The following ABCA13 variants were observed in gnomAD, a reference collection of about 807,000 sequenced individuals.
ABCA13 encodes ATP-binding cassette sub-family A member 13.
In ABCA13, 476 loss-of-function variants were observed where a neutral mutation model predicts 478.7. That is an observed-to-expected ratio of 0.99 (90% CI 0.92 to 1.07). The LOEUF (loss-of-function observed/expected upper bound fraction) is 1.07. Among genes scored for constraint, ABCA13 ranks in the 50% least tolerant of loss-of-function variants. ABCA13 has a pLI of 0.00. For synonymous variants in ABCA13, 2,252 were observed against 2,158.9 expected (o/e 1.04, Z -1.20); for missense variants, 6,060 against 5,910.6 (o/e 1.03, Z -0.83).
chr7:48,172,313 G>T (rs1053673278), intron 1 of ABCA13, among the ~76,000 whole-genome samples: 1 of 152,044 alleles, frequency 6.6e-6, no homozygotes, highest in Non-Finnish European at 1.5e-5. Context: ...TTAACCTATG[G>T]GAATTTTCTG....
chr7:48,563,168 T>C (rs1281461421), intron 55 of ABCA13, among the ~76,000 whole-genome samples: 4 of 152,174 alleles, frequency 2.6e-5, no homozygotes, highest in Admixed American at 6.5e-5. Context: ...GGTATAGTTT[T>C]CCCCAGTCAT....
intron 58 of ABCA13, among the ~76,000 whole-genome samples, chr7:48,598,236 C>G (rs1268603865): frequency 6.6e-6 from 1 of 152,106 alleles, no homozygotes; most frequent in Non-Finnish European, 1.5e-5. Flanking sequence ...TTTAGTTTCT[C>G]CCATGTCTTC....
intron 15 of ABCA13, among the ~76,000 whole-genome samples, chr7:48,249,816 A>G (rs1792263264): frequency 6.6e-6 from 1 of 152,218 alleles, no homozygotes; most frequent in African/African-American, 2.4e-5. Context: ...TGCTGTGACC[A>G]TATGTGTGGA....
chr7:48,300,526 G>A (rs892794191), intron 23 of ABCA13, among the ~76,000 whole-genome samples: 2 of 152,200 alleles, frequency 1.3e-5, no homozygotes, highest in East Asian at 3.9e-4. Context: ...TCCCTGAATC[G>A]GTGAAGATGG....
At chr7:48,403,657 A>G (rs1321228617) in intron 38 of ABCA13, 26 bp from the exon 39 acceptor site, 1 of 1,607,878 alleles carries the variant, frequency 6.2e-7, no homozygotes, top group South Asian at 1.1e-5. Flanking sequence ...TTCAGGGAGA[A>G]GAGTGATGTT....
At chr7:48,404,228 G>A (rs1585175522) in intron 39 of ABCA13, 1 of 313,694 alleles carries the variant, frequency 3.2e-6, no homozygotes, top group East Asian at 8.3e-5. Flanking sequence ...TGTCTCAGAT[G>A]AAGAAATGAA....
At chr7:48,193,594 A>T (rs1419505005) in intron 2 of ABCA13, among the ~76,000 whole-genome samples, 1 of 149,410 alleles carries the variant, frequency 6.7e-6, no homozygotes, top group African/African-American at 2.5e-5. Context: ...AATGAAGATG[A>T]TGATGATGAT....
chr7:48,314,394 A>G lies in ABCA13; in HGVS notation c.9844A>G (p.Ile3282Val), dbSNP rs188058983. ...GGAAGATGACAAAGAAAAATTCAACATTCCTGAAGATTCAAGTAAGACAGT... is the reference window on the plus strand; with the variant it reads ...GGAAGATGACAAAGAAAAATTCAACGTTCCTGAAGATTCAAGTAAGACAGT... ...LLEDDKEKFN[I>V]PEDSTPFCLK... Residue 3282 changes from isoleucine (I) to valine (V), a missense_variant, in exon 26 of 62, where the codon ATT becomes GTT. Coordinates refer to ENST00000435803, the MANE Select transcript of ABCA13 (RefSeq NM_152701.5). 2.2e-3 allele frequency: 3,447 copies of G among 1,589,688 alleles called. 9 individuals are homozygous for G. Among genetic ancestry groups the G allele is most frequent in the Admixed American group, 5.0e-3 (279 of 55,954 alleles).
chr7:48,472,340 T>A (rs562765807), intron 45 of ABCA13, among the ~76,000 whole-genome samples: 1 of 152,342 alleles, frequency 6.6e-6, no homozygotes, highest in African/African-American at 2.4e-5. Context: ...GATGCAATTC[T>A]CCTTAATAGT....
chr7:48,191,776 G>T (rs1797141730), intron 1 of ABCA13, among the ~76,000 whole-genome samples: 1 of 152,134 alleles, frequency 6.6e-6, no homozygotes. Context: ...CCTGTGTTTT[G>T]TCTTCATGGC....
At chr7:48,502,641 TGTG>T (rs1348354625) in intron 48 of ABCA13, among the ~76,000 whole-genome samples, 2 of 152,152 alleles carry the variant, frequency 1.3e-5, no homozygotes, top group Non-Finnish European at 2.9e-5. Flanking sequence ...GGGAAATAGT[TGTG>T]GTGTCTGCAG....
At chr7:48,580,160 TA>T in intron 55 of ABCA13, 63 bp from the exon 56 acceptor site, 1 of 1,479,878 alleles carries the variant, frequency 6.8e-7, no homozygotes, top group Non-Finnish European at 9.0e-7. Context: ...AGCCACATTT[TA>T]AAAATGGGTT....
chr7:48,316,789 G>C (rs759646304), intron 26 of ABCA13, among the ~76,000 whole-genome samples: 2 of 152,176 alleles, frequency 1.3e-5, no homozygotes, highest in Non-Finnish European at 2.9e-5. Context: ...GGAAGCAAGA[G>C]GGGGGAGGAG....
At chr7:48,568,059 T>C (rs1787257581) in intron 55 of ABCA13, among the ~76,000 whole-genome samples, 1 of 152,154 alleles carries the variant, frequency 6.6e-6, no homozygotes, top group Non-Finnish European at 1.5e-5. Flanking sequence ...AAACTTATAA[T>C]TTTTTAAATG....
chr7:48,404,674 CA>C (rs1197673533), intron 39 of ABCA13: 4 of 152,228 alleles, frequency 2.6e-5, no homozygotes, highest in Non-Finnish European at 5.9e-5. Context: ...GGAAAAATAA[CA>C]AGAAAGAGTC....
intron 47 of ABCA13, among the ~76,000 whole-genome samples, chr7:48,488,500 C>A (rs748648816): frequency 1.3e-5 from 2 of 152,096 alleles, no homozygotes; most frequent in Non-Finnish European, 2.9e-5. Context: ...TTCTACCAAG[C>A]GGATTATCTG....
In ABCA13 at chr7:48,615,310, A is replaced by G; in HGVS notation, c.14770A>G (p.Thr4924Ala). The G allele has an allele frequency of 6.3e-7, 1 of 1,577,012 alleles. No individual in the cohort carries two copies. The highest frequency in any genetic ancestry group is 8.6e-7 in the Non-Finnish European group (1 of 1,159,470). ...HSMEECEALC[T>A]RLAIMVNGSF... is the part of the protein sequence containing the mutation. ...CATGGAGGAGTGTGAGGCTCTTTGC[A>G]CAAGACTGGCCATAATGGTTAACGG... Residue 4924 changes from threonine (T) to alanine (A), a missense_variant, in exon 59 of 62, where the codon ACA becomes GCA. Around this residue, in one of 3 missense-constraint regions of ABCA13, gnomAD observed 1,627 missense variants for 1,571.0 expected, o/e 1.04. Transcript: ENST00000435803.
At position 48,279,115 on chromosome 7, in the gene ABCA13, T is replaced by C. The variant is rs1374006268; in HGVS notation, c.7921T>C (p.Phe2641Leu). The change falls in exon 18 of 62, where the codon TTT (phenylalanine) becomes CTT (leucine). Residue 2641 changes from phenylalanine (F) to leucine (L), a missense_variant. Transcript: ENST00000435803. ...FSDILEEIAE[F>L]LTSVKMNLED... ...TGATATTTTGGAAGAAATTGCTGAA[T>C]TTTTAACATCTGTGAAAATGAACTT... 4 of 1,610,758 alleles carry C rather than the reference T, an allele frequency of 2.5e-6. No homozygotes were observed. The highest frequency in any genetic ancestry group is 3.4e-6 in the Non-Finnish European group (4 of 1,178,934).
At chr7:48,504,104 GCAGGAGTGGGGTGT>G (rs1830992521) in intron 48 of ABCA13, among the ~76,000 whole-genome samples, 1 of 152,154 alleles carries the variant, frequency 6.6e-6, no homozygotes, top group South Asian at 2.1e-4. Flanking sequence ...CAGACATGAG[GCAGGAGTGGGGTGT>G]CAGCAGGGTT....
Sources: allele counts gnomAD v4.1 joint callset (sites outside exome capture counted in the v4.1 genomes callset), GRCh38; gene constraint gnomAD v4.1.1; regional missense constraint gnomAD v4.1.1; transcripts MANE v1.5; gene names NCBI Gene and HGNC (gene_info 2026-07-23, HGNC 2026-07-21).